BEST3: variants seen among roughly 807,000 people sequenced by gnomAD.
BEST3 encodes bestrophin 3.
In BEST3, 50 loss-of-function variants were observed where a neutral mutation model predicts 47.1. That is an observed-to-expected ratio of 1.06 (90% CI 0.85 to 1.34). The LOEUF is 1.34. Ranked by LOEUF, BEST3 falls within the 40% of genes most tolerant of loss-of-function variation. The probability of loss-of-function intolerance (pLI) is 0.00; values close to 1 mark genes in which losing one functional copy is unlikely to be tolerated. For missense variants in BEST3, 765 were observed against 817.0 expected (o/e 0.94, Z 0.78); for synonymous variants, 282 against 298.8 (o/e 0.94, Z 0.58).
In BEST3 at chr12:69,653,801, C is replaced by T. The variant is rs1208777117; in HGVS notation, c.*1106G>A. On this transcript the variant is annotated 3_prime_UTR_variant, in exon 10 of 10. Coordinates refer to ENST00000330891, the MANE Select transcript of BEST3 (RefSeq NM_032735.3). ...TGCAGCTCTGGACCCCATTAGCCTC[C>T]CAGCTCCAGTATCCTGCCCATTCCC... 7 of 985,292 alleles carry T rather than the reference C, an allele frequency of 7.1e-6. No individual in the cohort carries two copies. Among genetic ancestry groups the T allele is most frequent in the African/African-American group, 7.0e-5 (4 of 57,214 alleles). 61.0% of individuals were successfully genotyped at this position (985,292 alleles called of 1,614,324 possible).
chr12:69,647,364 T>C (rs1370288583), intron 9 of BEST3, among the ~76,000 whole-genome samples: 2 of 152,222 alleles, frequency 1.3e-5, no homozygotes, highest in Non-Finnish European at 2.9e-5. Context: ...AAATGAGTGC[T>C]ATGCCCCAAG....
At chr12:69,679,628 A>G (rs1411811250) in intron 4 of BEST3, among the ~76,000 whole-genome samples, 1 of 152,218 alleles carries the variant, frequency 6.6e-6, no homozygotes, top group African/African-American at 2.4e-5. Context: ...TGGGAGGCCA[A>G]GGTGGGTGGA....
rs757108999 is a variant in BEST3 at position 69,655,514 on chromosome 12, C to G, written c.1400G>C (p.Gly467Ala). The G allele has an allele frequency of 2.5e-6, 4 of 1,614,098 alleles. No homozygotes were observed. The highest frequency in any genetic ancestry group is 3.4e-6 in the Non-Finnish European group (4 of 1,180,000). ...EGSPTLHFSM[G>A]ELSTIRETSQ... is the part of the protein sequence containing the mutation. ...GGTCTCCCTGATGGTGGACAGCTCT[C>G]CCATGCTGAAGTGCAGCGTGGGGCT... The change falls in exon 10 of 10, where the codon GGA (glycine) becomes GCA (alanine). Residue 467 changes from glycine (G) to alanine (A), a missense_variant. By Grantham distance (60) the Gly-to-Ala change is moderately conservative (BLOSUM62 0). Coordinates refer to ENST00000330891, the MANE Select transcript of BEST3 (RefSeq NM_032735.3).
At position 69,693,888 on chromosome 12, in the gene BEST3, T is replaced by C; in HGVS notation, c.267A>G (p.Val89=). 6.2e-7 allele frequency: 1 copy of C among 1,610,266 alleles called. No individual in the cohort carries two copies. The highest frequency in any genetic ancestry group is 8.5e-7 in the Non-Finnish European group (1 of 1,177,996). ...TFVLGFYVTL[V]VNRWWNQFVN... is the part of the protein sequence containing the mutation. Reference sequence around the variant, plus strand: ...CAAACTGGTTCCACCATCGGTTCACTACCAGAGTAACATAAAACCCTGTAG... The same window carrying C: ...CAAACTGGTTCCACCATCGGTTCACCACCAGAGTAACATAAAACCCTGTAG... The change falls in exon 4 of 10, where the codon GTA becomes GTG. Residue 89 remains valine, a synonymous_variant. Transcript: ENST00000330891.
intron 4 of BEST3, among the ~76,000 whole-genome samples, chr12:69,680,326 T>TTTTTTTTA (rs1555207061): frequency 6.9e-6 from 1 of 144,914 alleles, no homozygotes; most frequent in Admixed American, 6.8e-5. Context: ...TTTTTTTTTT[T>TTTTTTTTA]TAGATGGAGT....
chr12:69,672,835 G>T (rs748383890), intron 8 of BEST3, 50 bp downstream of exon 8: 3 of 1,339,540 alleles, frequency 2.2e-6, no homozygotes, highest in Admixed American at 1.8e-5. Flanking sequence ...TTGAAATATC[G>T]CAAGTGATTT....
At chr12:69,679,082 C>T (rs942107888) in intron 4 of BEST3, among the ~76,000 whole-genome samples, 189 bp from the exon 5 acceptor site, 6 of 152,030 alleles carry the variant, frequency 3.9e-5, no homozygotes, top group Admixed American at 2.6e-4. Context: ...CGCACATGCA[C>T]ACACACATAC....
At chr12:69,681,088 C>T (rs542569216) in intron 4 of BEST3, among the ~76,000 whole-genome samples, 1 of 151,994 alleles carries the variant, frequency 6.6e-6, no homozygotes, top group African/African-American at 2.4e-5. Context: ...CTTTAAGTAG[C>T]TTTTAAATGT....
chr12:69,670,493 C>T (rs1235583075), intron 9 of BEST3: 1 of 702,910 alleles, frequency 1.4e-6, no homozygotes, highest in Non-Finnish European at 2.6e-6. Flanking sequence ...GCCTCAGAGG[C>T]CCCTTTGGAA....
Position 69,676,888 on chromosome 12 carries a change from A to G in BEST3, c.867+28T>C, listed in dbSNP as rs545548955. The stretch of plus-strand genomic sequence containing the variant: ...GAGAGTCTGGAACATAACACATTAC[A>G]AAGTGGGGCCCTGAGACCACTGGCT... On this transcript the variant is annotated intron_variant, in intron 7 of 9. Coordinates refer to ENST00000330891, the MANE Select transcript of BEST3 (RefSeq NM_032735.3). 136 of 1,607,500 alleles carry G rather than the reference A, an allele frequency of 8.5e-5. 1 individual carries two copies. In the East Asian group the frequency reaches 2.8e-3, roughly 33 times the overall value.
At chr12:69,644,059 A>G (rs1882956941) in intron 9 of BEST3, among the ~76,000 whole-genome samples, 1 of 152,186 alleles carries the variant, frequency 6.6e-6, no homozygotes, top group African/African-American at 2.4e-5. Flanking sequence ...TATCATACCC[A>G]AGAGTTTAAG....
At chr12:69,691,594 A>T (rs1401653505) in intron 4 of BEST3, among the ~76,000 whole-genome samples, 1 of 152,094 alleles carries the variant, frequency 6.6e-6, no homozygotes, top group Admixed American at 6.5e-5. Flanking sequence ...AGAGATTGAG[A>T]CCATCCTGCC....
At chr12:69,659,275 C>T (rs1883721105) in intron 9 of BEST3, among the ~76,000 whole-genome samples, 1 of 152,168 alleles carries the variant, frequency 6.6e-6, no homozygotes, top group South Asian at 2.1e-4. Flanking sequence ...TTCATCTCCT[C>T]CTTTCTCTGG....
At chr12:69,665,750 G>T (rs1368854869) in intron 9 of BEST3, among the ~76,000 whole-genome samples, 1 of 152,138 alleles carries the variant, frequency 6.6e-6, no homozygotes, top group African/African-American at 2.4e-5. Context: ...ATACAGTCTG[G>T]TCTATTTACC....
At chr12:69,690,118 C>T in intron 4 of BEST3, among the ~76,000 whole-genome samples, 1 of 152,090 alleles carries the variant, frequency 6.6e-6, no homozygotes, top group East Asian at 1.9e-4. Context: ...GGGTGGGACC[C>T]AGGAATATGC....
chr12:69,676,802 T>C, intron 7 of BEST3, 114 bp downstream of exon 7: 1 of 1,176,616 alleles, frequency 8.5e-7, no homozygotes, highest in South Asian at 1.5e-5. Context: ...CATTACATGT[T>C]AAATCTACCT....
chr12:69,693,624 T>C (rs1886013440), intron 4 of BEST3, 50 bp downstream of exon 4: 1 of 1,368,846 alleles, frequency 7.3e-7, no homozygotes, highest in African/African-American at 1.4e-5. Context: ...ATTCTGGAGG[T>C]CCTGTCTCAG....
intron 4 of BEST3, among the ~76,000 whole-genome samples, chr12:69,690,176 G>T (rs1885860872): frequency 6.6e-6 from 1 of 152,102 alleles, no homozygotes; most frequent in Non-Finnish European, 1.5e-5. Flanking sequence ...AGGGCCTGTG[G>T]GTCTGTGGAT....
intron 8 of BEST3, 146 bp from the exon 9 acceptor site, chr12:69,671,725 G>A: frequency 1.4e-6 from 1 of 716,570 alleles, no homozygotes; most frequent in South Asian, 1.8e-5. Context: ...TACTTGCCAT[G>A]ACCACAGCTG....
Sources: allele counts gnomAD v4.1 joint callset (sites outside exome capture counted in the v4.1 genomes callset), GRCh38; gene constraint gnomAD v4.1.1; transcripts MANE v1.5; gene names NCBI Gene and HGNC (gene_info 2026-07-23, HGNC 2026-07-21).